SPATA1: variants seen among roughly 807,000 people sequenced by gnomAD.
SPATA1 encodes the protein spermatogenesis-associated protein 1.
A neutral mutation model predicts 59.6 loss-of-function variants in SPATA1; 57 were observed. The ratio of observed to expected loss-of-function variants is 0.96; its 90% CI spans 0.77 to 1.19. SPATA1 has a LOEUF of 1.19. SPATA1 is among the 50% of genes most tolerant of loss of function. The probability of loss-of-function intolerance (pLI) is 0.00; values close to 1 mark genes in which losing one functional copy is unlikely to be tolerated. For synonymous variants in SPATA1, 147 were observed against 163.9 expected (o/e 0.90, Z 0.79); for missense variants, 448 against 480.7 (o/e 0.93, Z 0.64).
chr1:84,519,686 A>G (rs1570398120), intron 2 of SPATA1, among the ~76,000 whole-genome samples: 1 of 152,118 alleles, frequency 6.6e-6, no homozygotes, highest in East Asian at 1.9e-4. Flanking sequence ...GTTAATAATC[A>G]TCATCAAAAG....
At chr1:84,558,005 T>C (rs1684498361), downstream of SPATA1, among the ~76,000 whole-genome samples, 1 of 152,070 alleles carries the variant, frequency 6.6e-6, no homozygotes, top group Admixed American at 6.5e-5. Context: ...AAAAGGTGGT[T>C]ACCAGAGGCT....
Position 84,548,713 on chromosome 1 carries a change from A to T in SPATA1, c.947-73A>T. On this transcript the variant is annotated intron_variant, in intron 10 of 12. Coordinates refer to ENST00000490879, the Ensembl canonical transcript of SPATA1. The stretch of plus-strand genomic sequence containing the variant: ...AGCTCTAGGATCCTTTCCAGGATGA[A>T]AAGTTGAATCCTTTAATACTCAAAC... 4 of 1,348,804 alleles carry T rather than the reference A, an allele frequency of 3.0e-6. No individual in the cohort carries two copies. The East Asian group carries it at 1.2e-4, about 39-fold the overall frequency. The allele number at this position is 1,348,804 out of a possible 1,614,324, so 83.6% of individuals were successfully genotyped here.
At chr1:84,544,546 A>C (rs1222423220) in intron 9 of SPATA1, among the ~76,000 whole-genome samples, 2 of 151,810 alleles carry the variant, frequency 1.3e-5, no homozygotes, top group Non-Finnish European at 2.9e-5. Context: ...AAAAAGTTAA[A>C]TTATAGGAAT....
At chr1:84,529,576 CTTTTTTTTTTTTT>C (rs761561650) in intron 6 of SPATA1, among the ~76,000 whole-genome samples, 1 of 91,348 alleles carries the variant, frequency 1.1e-5, no homozygotes, top group Non-Finnish European at 2.0e-5. Flanking sequence ...GGTAATATGC[CTTTTTTTTTTTTT>C]TTTTTTTTTT....
chr1:84,536,371 G>T lies in SPATA1; in HGVS notation c.717+2605G>T, dbSNP rs564710805. Among the ~76,000 whole-genome samples, 5 of 152,328 alleles carry T rather than the reference G, an allele frequency of 3.3e-5. No homozygotes were observed. In the East Asian group the frequency reaches 7.7e-4, roughly 23 times the overall value. ...ATACTGAGTAAATTTAGAATGCCAA[G>T]AATTTCTTGTTAAAAAGTAGAGCAA... is the stretch of plus-strand genomic sequence containing the variant. On this transcript the variant is annotated intron_variant, in intron 8 of 12. Coordinates refer to ENST00000490879, the Ensembl canonical transcript of SPATA1.
At chr1:84,528,836 T>A (rs1395671550) in intron 6 of SPATA1, among the ~76,000 whole-genome samples, 2 of 152,194 alleles carry the variant, frequency 1.3e-5, no homozygotes, top group Admixed American at 1.3e-4. Context: ...TGAACCATAA[T>A]CTTGCCATTA....
chr1:84,543,726 T>G (rs534303945), intron 8 of SPATA1, among the ~76,000 whole-genome samples: 1 of 151,712 alleles, frequency 6.6e-6, no homozygotes, highest in African/African-American at 2.4e-5. Context: ...ACACAAAAAT[T>G]AGGAAAGATG....
chr1:84,542,205 C>A (rs1051350174), intron 8 of SPATA1, among the ~76,000 whole-genome samples: 5 of 152,140 alleles, frequency 3.3e-5, no homozygotes, highest in Non-Finnish European at 7.4e-5. Flanking sequence ...CTCAGGTGAT[C>A]CACCCGCCTT....
intron 4 of SPATA1, among the ~76,000 whole-genome samples, chr1:84,524,982 T>TTGTTC (rs1048334503): frequency 6.6e-6 from 1 of 152,084 alleles, no homozygotes; most frequent in African/African-American, 2.4e-5. Context: ...TTGTTTTGTT[T>TTGTTC]TGTTTTGTTT....
intron 6 of SPATA1, among the ~76,000 whole-genome samples, chr1:84,532,217 C>T (rs141635433): frequency 1.1e-3 from 164 of 152,298 alleles, no homozygotes; most frequent in African/African-American, 3.8e-3. Context: ...CAATTAAGGC[C>T]GAACGCAGTG....
At chr1:84,557,008 T>C (rs1478829013), downstream of SPATA1, among the ~76,000 whole-genome samples, 1 of 152,206 alleles carries the variant, frequency 6.6e-6, no homozygotes, top group African/African-American at 2.4e-5. Context: ...TTCTAGCTAG[T>C]ACTTTGAGCC....
chr1:84,525,728 C>A, exon 5 of SPATA1: 1 of 1,598,086 alleles, frequency 6.3e-7, no homozygotes, highest in South Asian at 1.1e-5. Context: ...AACTGAAACT[C>A]AAATCATTTG....
At chr1:84,542,210 C>A (rs1218645221) in intron 8 of SPATA1, among the ~76,000 whole-genome samples, 1 of 152,088 alleles carries the variant, frequency 6.6e-6, no homozygotes, top group Non-Finnish European at 1.5e-5. Flanking sequence ...GTGATCCACC[C>A]GCCTTGGCCT....
chr1:84,516,266 A>G (rs1682789074), exon 2 of SPATA1: 1 of 1,141,796 alleles, frequency 8.8e-7, no homozygotes, highest in African/African-American at 1.6e-5. Context: ...AAAAAAAACT[A>G]TTATAATTTT....
intron 4 of SPATA1, 81 bp downstream of exon 4, chr1:84,522,588 G>C (rs1396259359): frequency 1.6e-6 from 1 of 608,810 alleles, no homozygotes; most frequent in Non-Finnish European, 2.7e-6. Flanking sequence ...TATCAACTCA[G>C]CTCCTTAAGA....
chr1:84,566,401 A>C (rs1355755243), downstream of SPATA1, among the ~76,000 whole-genome samples: 2 of 152,158 alleles, frequency 1.3e-5, no homozygotes, highest in Admixed American at 6.5e-5. Context: ...CAAATACAAA[A>C]GTTTTTAAAA....
intron 8 of SPATA1, among the ~76,000 whole-genome samples, chr1:84,536,740 G>C (rs190059079): frequency 6.6e-6 from 1 of 151,976 alleles, no homozygotes; most frequent in South Asian, 2.1e-4. Flanking sequence ...CACCGCACCC[G>C]GCCCACTTAA....
chr1:84,514,365 A>G (rs1160990369), intron 1 of SPATA1, among the ~76,000 whole-genome samples: 1 of 152,204 alleles, frequency 6.6e-6, no homozygotes, highest in Non-Finnish European at 1.5e-5. Flanking sequence ...AAGGGATACT[A>G]TAGGTTGAGT....
chr1:84,551,229 A>G (rs1016043260), intron 12 of SPATA1: 10 of 985,136 alleles, frequency 1.0e-5, no homozygotes, highest in Non-Finnish European at 1.2e-5. Flanking sequence ...GAGAACGATA[A>G]TTATATGAAT....
Sources: gnomAD v4.1 joint callset for allele counts (sites outside exome capture counted in the v4.1 genomes callset) on GRCh38, gnomAD v4.1.1 for gene constraint, MANE v1.5 for transcripts, NCBI Gene and HGNC (gene_info 2026-07-23, HGNC 2026-07-21) for gene names.